The following PRDM10 variants were observed in gnomAD, a reference collection of about 807,000 sequenced individuals.
PRDM10 encodes PR/SET domain 10, also known as PR domain zinc finger protein 10.
Under a neutral mutation model 133.1 loss-of-function variants are expected in PRDM10, and 65 were observed. The ratio of observed to expected loss-of-function variants is 0.49; its 90% CI spans 0.40 to 0.60. PRDM10 has a LOEUF of 0.60. PRDM10 is among the 20% of genes least tolerant of loss of function. The pLI, the probability that PRDM10 is intolerant of heterozygous loss-of-function variation, is 0.00. For synonymous variants in PRDM10, 582 were observed against 580.4 expected, an observed-to-expected ratio of 1.00 and a Z score of -0.04; for missense variants, 1,137 against 1,507.1, an observed-to-expected ratio of 0.75 and a Z score of 4.07.
At chr11:129,955,607 TCTTTGGATAGC>T (rs1951682207) in intron 3 of PRDM10, 36 bp from the exon 4 acceptor site, 1 of 1,600,936 alleles carries the variant, frequency 6.2e-7, no homozygotes, top group East Asian at 2.2e-5. Flanking sequence ...TATCAGTAGC[TCTTTGGATAGC>T]CTGCCTACAC....
chr11:129,928,970 C>T (rs1252502185), intron 11 of PRDM10, among the ~76,000 whole-genome samples: 4 of 152,220 alleles, frequency 2.6e-5, no homozygotes, highest in East Asian at 3.8e-4. Context: ...ATTATCCTGA[C>T]TCCTCTATTT....
At chr11:130,000,931 ACC>A (rs1039842559) in intron 1 of PRDM10, among the ~76,000 whole-genome samples, 1 of 152,050 alleles carries the variant, frequency 6.6e-6, no homozygotes, top group African/African-American at 2.4e-5. Flanking sequence ...AAATGATGAA[ACC>A]CCGTTTCTAC....
rs530439528 is a variant in PRDM10 at position 129,991,852 on chromosome 11, G to A, written c.-119+10870C>T. 8.7e-5 allele frequency among the ~76,000 whole-genome samples: 13 copies of A among 149,530 alleles called. No individual in the cohort carries two copies. The South Asian group carries it at 2.5e-3, about 29-fold the overall frequency. The stretch of plus-strand genomic sequence containing the variant: ...AAAAAAAAGTAACCGGCCTGGTGGC[G>A]GGTGCCTGTAATCCCAGCTACTCGG... On this transcript the variant is annotated intron_variant, in intron 1 of 20. Transcript: ENST00000360871.
At chr11:129,927,176 CAAAAAA>C (rs57015735) in intron 11 of PRDM10, among the ~76,000 whole-genome samples, 2 of 79,368 alleles carry the variant, frequency 2.5e-5, no homozygotes, top group African/African-American at 8.7e-5. Context: ...GACTCTGTCT[CAAAAAA>C]AAAAAAAAAA....
At chr11:129,904,984 C>T (rs1949968246) in intron 20 of PRDM10, among the ~76,000 whole-genome samples, 1 of 152,172 alleles carries the variant, frequency 6.6e-6, no homozygotes, top group Non-Finnish European at 1.5e-5. Context: ...AATACAGCTC[C>T]ATAATTGATT....
chr11:129,945,880 T>C lies in PRDM10; in HGVS notation c.521-868A>G, dbSNP rs1951390301. 6.6e-6 allele frequency among the ~76,000 whole-genome samples: 1 copy of C among 152,162 alleles called. No homozygotes were observed. Among genetic ancestry groups the C allele is most frequent in the African/African-American group, 2.4e-5 (1 of 41,430 alleles). On this transcript the variant is annotated intron_variant, in intron 5 of 20. Transcript: ENST00000360871. This position sits in a 1 kb window ranked among gnomAD's most constrained non-coding sequence, Gnocchi z 4.2. Reference sequence around the variant, plus strand: ...ACAATTCTCAAATAACAGAGCTACTTTGTATTAATATTTTAAAGATAAAGT... The same window carrying C: ...ACAATTCTCAAATAACAGAGCTACTCTGTATTAATATTTTAAAGATAAAGT...
At chr11:129,926,131 G>C (rs947564358) in intron 11 of PRDM10, among the ~76,000 whole-genome samples, 1 of 152,198 alleles carries the variant, frequency 6.6e-6, no homozygotes, top group Non-Finnish European at 1.5e-5. Context: ...TCTGCTCTTT[G>C]TTTTCAGGCA....
chr11:129,985,397 C>G (rs1202424505), intron 1 of PRDM10, among the ~76,000 whole-genome samples: 2 of 151,958 alleles, frequency 1.3e-5, no homozygotes, highest in Admixed American at 1.3e-4. Context: ...ATGACATGAT[C>G]TCGTACAATA....
chr11:129,906,322 C>T (rs1189428943), intron 19 of PRDM10, among the ~76,000 whole-genome samples: 1 of 152,092 alleles, frequency 6.6e-6, no homozygotes, highest in Non-Finnish European at 1.5e-5. Flanking sequence ...GCACACAAGA[C>T]GTGACGAAAG....
intron 1 of PRDM10, among the ~76,000 whole-genome samples, chr11:129,963,945 G>T (rs1460842966): frequency 6.6e-6 from 1 of 152,108 alleles, no homozygotes; most frequent in African/African-American, 2.4e-5. Flanking sequence ...AATCCCAAAC[G>T]GTTCCCTGCT....
chr11:129,981,716 C>T (rs534522088), intron 1 of PRDM10, among the ~76,000 whole-genome samples: 5 of 151,898 alleles, frequency 3.3e-5, no homozygotes, highest in African/African-American at 9.7e-5. Flanking sequence ...GTCAACATGG[C>T]GAAACCCCGT....
At chr11:129,965,565 C>T (rs903143712) in intron 1 of PRDM10, among the ~76,000 whole-genome samples, 2 of 152,112 alleles carry the variant, frequency 1.3e-5, no homozygotes, top group African/African-American at 4.8e-5. Flanking sequence ...AAACAGCAGC[C>T]ATCTTCTGTC....
chr11:129,981,968 T>C (rs765183417), intron 1 of PRDM10, among the ~76,000 whole-genome samples: 1 of 151,720 alleles, frequency 6.6e-6, no homozygotes, highest in Non-Finnish European at 1.5e-5. Context: ...AAAAAAATTA[T>C]AAAATATGGC....
At chr11:129,942,718 T>C (rs745553242) in intron 6 of PRDM10, 89 bp from the exon 7 acceptor site, 11 of 1,191,002 alleles carry the variant, frequency 9.2e-6, no homozygotes, top group Non-Finnish European at 1.3e-5. Context: ...AAATATTGCT[T>C]CTAAAATTAA....
intron 11 of PRDM10, among the ~76,000 whole-genome samples, chr11:129,925,608 T>C (rs1262966287): frequency 1.3e-5 from 2 of 152,166 alleles, no homozygotes; most frequent in Non-Finnish European, 2.9e-5. Context: ...AAGTCACACA[T>C]GCAGGAATCA....
rs186473968 is a variant in PRDM10, at chr11:129,959,913, C to T, written c.69+983G>A. 7.9e-4 allele frequency among the ~76,000 whole-genome samples: 119 copies of T among 151,286 alleles called. No homozygotes were observed. In the Middle Eastern group the frequency reaches 0.042, roughly 53 times the overall value. Reference sequence around the variant, plus strand: ...CACTATAGGCATGCACCACCATGTCCGGCTAATTTTTCTTTTTTTTTTTTT... The same window carrying T: ...CACTATAGGCATGCACCACCATGTCTGGCTAATTTTTCTTTTTTTTTTTTT... On this transcript the variant is annotated intron_variant, in intron 2 of 20. Transcript: ENST00000360871.
chr11:129,963,550 T>C (rs1951845908), intron 1 of PRDM10, among the ~76,000 whole-genome samples: 1 of 152,166 alleles, frequency 6.6e-6, no homozygotes, highest in Non-Finnish European at 1.5e-5. Flanking sequence ...GTACAAAGAA[T>C]TCCTGTGTTT....
intron 1 of PRDM10, among the ~76,000 whole-genome samples, chr11:129,982,779 C>T (rs895609647): frequency 6.6e-6 from 1 of 151,720 alleles, no homozygotes; most frequent in Non-Finnish European, 1.5e-5. Flanking sequence ...GGCAAGACCT[C>T]CCCCCAACCA....
At chr11:129,969,262 A>T (rs1341140232) in intron 1 of PRDM10, among the ~76,000 whole-genome samples, 3 of 152,228 alleles carry the variant, frequency 2.0e-5, no homozygotes, top group African/African-American at 7.2e-5. Context: ...GAATATTTAT[A>T]TAGCAATTAG....
Sources: gnomAD v4.1 joint callset for allele counts (sites outside exome capture counted in the v4.1 genomes callset) on GRCh38, gnomAD v4.1.1 for gene constraint, Gnocchi (gnomAD v3.1) non-coding constraint, MANE v1.5 for transcripts, NCBI Gene and HGNC (gene_info 2026-07-23, HGNC 2026-07-21) for gene names.